Variants in TCERG1L observed in about 807,000 individuals in gnomAD.
TCERG1L encodes transcription elongation regulator 1 like, also known as transcription elongation regulator 1-like protein.
TCERG1L carries 37 observed loss-of-function variants against 56.3 expected under a neutral mutation model. The observed-to-expected ratio is 0.66, with a 90% confidence interval of 0.51 to 0.87. The LOEUF (loss-of-function observed/expected upper bound fraction) is 0.87, where lower values mean the gene tolerates loss of function less well. Ranked by LOEUF, TCERG1L falls within the 40% of genes least tolerant of loss-of-function variation. The pLI, the probability that TCERG1L is intolerant of heterozygous loss-of-function variation, is 0.00. For synonymous variants in TCERG1L, 324 were observed against 326.3 expected (o/e 0.99, Z 0.08); for missense variants, 799 against 774.2 (o/e 1.03, Z -0.38).
chr10:131,143,581 C>G lies in TCERG1L; in HGVS notation c.1189+2925G>C, dbSNP rs199497787. On this transcript the variant is annotated intron_variant, in intron 7 of 11. Transcript: ENST00000368642. ...GGGCTACAGGTGCACAGCCAGATGGCAGGGGGGTTTCTGCCGTCACTACCA... is the reference window on the plus strand; with the variant it reads ...GGGCTACAGGTGCACAGCCAGATGGGAGGGGGGTTTCTGCCGTCACTACCA... 3.3e-4 allele frequency among the ~76,000 whole-genome samples: 50 copies of G among 152,278 alleles called. 2 individuals are homozygous for G. In the East Asian group the frequency reaches 9.1e-3, roughly 28 times the overall value.
Position 131,096,835 on chromosome 10 carries a change from G to A in TCERG1L, c.1604+1471C>T, listed in dbSNP as rs140553409. Among the ~76,000 whole-genome samples the A allele has an allele frequency of 6.6e-5, 10 of 150,412 alleles. No homozygotes were observed. In the East Asian group the frequency reaches 1.8e-3, roughly 27 times the overall value. ...CAGGAGGCGGAGCTTGCAGTGAGCC[G>A]AGATTGCATCATTGCACTCCAGCCT... On this transcript the variant is annotated intron_variant, in intron 11 of 11. Coordinates refer to ENST00000368642, the MANE Select transcript of TCERG1L (RefSeq NM_174937.4).
chr10:131,258,324 G>A (rs928237024), intron 4 of TCERG1L, among the ~76,000 whole-genome samples: 19 of 152,322 alleles, frequency 1.2e-4, no homozygotes, highest in African/African-American at 4.3e-4. Flanking sequence ...CTTGGTTTTC[G>A]AAAAGTACCC....
intron 6 of TCERG1L, among the ~76,000 whole-genome samples, chr10:131,158,042 T>C (rs1371751742): frequency 6.6e-6 from 1 of 152,270 alleles, no homozygotes; most frequent in East Asian, 1.9e-4. Flanking sequence ...ATTACATTAA[T>C]GCTTTCAAGG....
chr10:131,207,810 C>G (rs748290882), intron 4 of TCERG1L, among the ~76,000 whole-genome samples: 1 of 152,086 alleles, frequency 6.6e-6, no homozygotes, highest in Non-Finnish European at 1.5e-5. Context: ...AAATACCGAG[C>G]GGGTGGTCCC....
intron 4 of TCERG1L, among the ~76,000 whole-genome samples, chr10:131,244,236 A>G (rs1846003824): frequency 6.6e-6 from 1 of 152,246 alleles, no homozygotes; most frequent in South Asian, 2.1e-4. Flanking sequence ...ATCTCCCTCC[A>G]TGAGTACAGG....
Position 131,141,097 on chromosome 10 carries a change from C to T in TCERG1L, c.1189+5409G>A, listed in dbSNP as rs542891132. On this transcript the variant is annotated intron_variant, in intron 7 of 11. Coordinates refer to ENST00000368642, the MANE Select transcript of TCERG1L (RefSeq NM_174937.4). ...AGATGGACCTGACACGGCCACTTTG[C>T]TTTGCTAGGCCTGGGCTCCCAGCTG... Among the ~76,000 whole-genome samples the T allele has an allele frequency of 1.8e-4, 28 of 152,324 alleles. 1 individual carries two copies. In the East Asian group the frequency reaches 3.1e-3, roughly 17 times the overall value.
chr10:131,284,081 G>A (rs1015260545), intron 3 of TCERG1L, among the ~76,000 whole-genome samples: 22 of 138,624 alleles, frequency 1.6e-4, no homozygotes, highest in African/African-American at 4.9e-4. Context: ...AGCCAAGATC[G>A]AACTACTGCA....
chr10:131,116,175 C>G (rs1288111051), intron 9 of TCERG1L, among the ~76,000 whole-genome samples: 1 of 152,190 alleles, frequency 6.6e-6, no homozygotes, highest in African/African-American at 2.4e-5. Flanking sequence ...GAAAGGAGAT[C>G]TGAATACAAA....
chr10:131,197,119 T>C (rs1313472975), intron 4 of TCERG1L, among the ~76,000 whole-genome samples: 1 of 151,988 alleles, frequency 6.6e-6, no homozygotes, highest in African/African-American at 2.4e-5. Context: ...TTGTTGCAGC[T>C]TTCATCTGGG....
chr10:131,248,320 GA>G (rs1846064309), intron 4 of TCERG1L, among the ~76,000 whole-genome samples: 1 of 152,024 alleles, frequency 6.6e-6, no homozygotes, highest in Non-Finnish European at 1.5e-5. Context: ...CCCAGGACTG[GA>G]CCCAGGTCTT....
At chr10:131,097,653 C>A (rs1357141294) in intron 11 of TCERG1L, among the ~76,000 whole-genome samples, 1 of 152,210 alleles carries the variant, frequency 6.6e-6, no homozygotes, top group Non-Finnish European at 1.5e-5. Flanking sequence ...GGCCCATGTT[C>A]ATTACTTTTT....
At chr10:131,246,678 G>C (rs984972178) in intron 4 of TCERG1L, among the ~76,000 whole-genome samples, 1 of 150,570 alleles carries the variant, frequency 6.6e-6, no homozygotes, top group Non-Finnish European at 1.5e-5. Flanking sequence ...CCAGAACTCC[G>C]GGATGACTCA....
At chr10:131,248,709 T>C (rs1180775330) in intron 4 of TCERG1L, among the ~76,000 whole-genome samples, 1 of 152,164 alleles carries the variant, frequency 6.6e-6, no homozygotes, top group Non-Finnish European at 1.5e-5. Flanking sequence ...GGGAAAAACA[T>C]AGCTTTGCTC....
At chr10:131,171,867 G>A (rs115973821) in intron 4 of TCERG1L, among the ~76,000 whole-genome samples, 1,743 of 152,242 alleles carry the variant, frequency 0.011, 33 homozygotes, top group African/African-American at 0.039. Flanking sequence ...CACTGCGCCT[G>A]GCCCAGGAAT....
intron 4 of TCERG1L, among the ~76,000 whole-genome samples, chr10:131,228,029 C>A (rs538381783): frequency 2.5e-4 from 38 of 151,978 alleles, no homozygotes; most frequent in Middle Eastern, 3.4e-3. Context: ...GCCCAGCCCC[C>A]CTCTCCGTGC....
intron 4 of TCERG1L, among the ~76,000 whole-genome samples, chr10:131,170,665 C>A (rs181060374): frequency 6.6e-6 from 1 of 152,310 alleles, no homozygotes; most frequent in East Asian, 1.9e-4. Flanking sequence ...AGCATTTATT[C>A]ACTGCTCTTA....
chr10:131,139,480 G>A (rs535990268), intron 7 of TCERG1L, among the ~76,000 whole-genome samples: 1 of 152,292 alleles, frequency 6.6e-6, no homozygotes, highest in East Asian at 1.9e-4. Flanking sequence ...CGGGAGGCAG[G>A]GAGGCTCTGA....
At position 131,201,871 on chromosome 10, in the gene TCERG1L, GTGC is replaced by G. The variant is rs1408847243; in HGVS notation, c.857-34989_857-34987del. Reference sequence around the variant, plus strand: ...TTTACCCCACGTCCACCACCACGCTGTGCTGAAGGCGCATCCATCGACCTTCCT... The same window carrying G: ...TTTACCCCACGTCCACCACCACGCTGTGAAGGCGCATCCATCGACCTTCCT... On this transcript the variant is annotated intron_variant, in intron 4 of 11. Transcript: ENST00000368642. 4.6e-5 allele frequency among the ~76,000 whole-genome samples: 7 copies of G among 152,282 alleles called. No individual in the cohort carries two copies. The East Asian group carries it at 1.4e-3, about 29-fold the overall frequency.
At chr10:131,284,735 G>C (rs1336945170) in intron 3 of TCERG1L, among the ~76,000 whole-genome samples, 2 of 151,966 alleles carry the variant, frequency 1.3e-5, no homozygotes, top group Admixed American at 1.3e-4. Context: ...ATATTAAAAA[G>C]ATAAGTAGGT....
Sources: gnomAD v4.1 joint callset for allele counts (sites outside exome capture counted in the v4.1 genomes callset) on GRCh38, gnomAD v4.1.1 for gene constraint, MANE v1.5 for transcripts, NCBI Gene and HGNC (gene_info 2026-07-23, HGNC 2026-07-21) for gene names.